Variants in IL2RA observed in about 807,000 individuals in gnomAD.
IL2RA encodes interleukin 2 receptor subunit alpha, also known as interleukin-2 receptor subunit alpha.
Under a neutral mutation model 37.8 loss-of-function variants are expected in IL2RA, and 24 were observed. The ratio of observed to expected loss-of-function variants is 0.63; its 90% CI spans 0.46 to 0.89. The LOEUF (loss-of-function observed/expected upper bound fraction) is 0.89, where lower values mean the gene tolerates loss of function less well. Among genes scored for constraint, IL2RA ranks in the 40% least tolerant of loss-of-function variants. The pLI is 0.00. For missense variants in IL2RA, 319 were observed against 348.6 expected (o/e 0.92, Z 0.68); for synonymous variants, 125 against 114.6 (o/e 1.09, Z -0.58).
Position 6,054,072 on chromosome 10 carries a change from C to G in IL2RA, c.64+8016G>C. Among the ~76,000 whole-genome samples the G allele has an allele frequency of 6.6e-6, 1 of 152,244 alleles. No homozygotes were observed. Among genetic ancestry groups the G allele is most frequent in the East Asian group, 1.9e-4 (1 of 5,198 alleles). ...CTCTTCCTCCCAGCACAGTGACCTTCCGGTCAACCCCACCCATGCCACCCA... is the reference window on the plus strand; with the variant it reads ...CTCTTCCTCCCAGCACAGTGACCTTGCGGTCAACCCCACCCATGCCACCCA... On this transcript the variant is annotated intron_variant, in intron 1 of 7. Coordinates refer to ENST00000379959, the MANE Select transcript of IL2RA (RefSeq NM_000417.3). This position sits in a 1 kb window ranked among gnomAD's most constrained non-coding sequence, Gnocchi z 4.5.
chr10:6,045,514 G>C (rs1238710019), intron 1 of IL2RA, among the ~76,000 whole-genome samples: 1 of 152,098 alleles, frequency 6.6e-6, no homozygotes. Context: ...GTCGACAACA[G>C]GCTTCCGGGC....
intron 1 of IL2RA, among the ~76,000 whole-genome samples, chr10:6,052,730 G>T (rs1270001782): frequency 1.3e-5 from 2 of 152,186 alleles, no homozygotes; most frequent in Admixed American, 6.5e-5. Context: ...TCTGAAGGAG[G>T]TATCTATTTT....
At chr10:6,049,058 T>C (rs1290832327) in intron 1 of IL2RA, among the ~76,000 whole-genome samples, 1 of 152,226 alleles carries the variant, frequency 6.6e-6, no homozygotes, top group Non-Finnish European at 1.5e-5. Context: ...AGAATATTTA[T>C]AATGGGAGTT....
At chr10:6,041,013 G>T (rs781546888) in intron 1 of IL2RA, among the ~76,000 whole-genome samples, 1 of 151,966 alleles carries the variant, frequency 6.6e-6, no homozygotes, top group Non-Finnish European at 1.5e-5. Context: ...TGCCAGAAAT[G>T]TGCTAAGTTC....
chr10:6,011,175 T>A lies in IL2RA; in HGVS notation c.*1697A>T, dbSNP rs1208319152. The A allele has an allele frequency of 6.6e-6, 1 of 152,364 alleles. No individual in the cohort carries two copies. Among genetic ancestry groups the A allele is most frequent in the Admixed American group, 6.5e-5 (1 of 15,280 alleles). The allele number at this position is 152,364 out of a possible 1,614,324, so 9.4% of individuals were successfully genotyped here. A position where few individuals can be genotyped will look rare whatever the true frequency, so the allele number is the denominator to read the frequency against. ...TTCCCAAATGAATAATTTTCGTTAA[T>A]GTTAATCGTGTGATGTTGTTGAGCT... On this transcript the variant is annotated 3_prime_UTR_variant, in exon 8 of 8. Coordinates refer to ENST00000379959, the MANE Select transcript of IL2RA (RefSeq NM_000417.3). This position sits in a 1 kb window ranked among gnomAD's most constrained non-coding sequence, Gnocchi z 5.2.
Position 6,040,478 on chromosome 10 carries a change from A to G in IL2RA, c.65-14453T>C, listed in dbSNP as rs564171782. Among the ~76,000 whole-genome samples, 4 of 152,304 alleles carry G rather than the reference A, an allele frequency of 2.6e-5. No homozygotes were observed. The East Asian group carries it at 7.7e-4, about 29-fold the overall frequency. On this transcript the variant is annotated intron_variant, in intron 1 of 7. Transcript: ENST00000379959. ...ATTTGAATATTTCCAGTCATTTTTG[A>G]TGGTTGTTGCCTGCCCACATTACCT... is the stretch of plus-strand genomic sequence containing the variant.
Position 6,015,655 on chromosome 10 carries a change from A to G in IL2RA, c.794+2398T>C, listed in dbSNP as rs1325329841. 6.6e-6 allele frequency among the ~76,000 whole-genome samples: 1 copy of G among 152,234 alleles called. No individual in the cohort carries two copies. The highest frequency in any genetic ancestry group is 1.5e-5 in the Non-Finnish European group (1 of 68,040). On this transcript the variant is annotated intron_variant, in intron 7 of 7. Transcript: ENST00000379959. This position sits in a 1 kb window ranked among gnomAD's most constrained non-coding sequence, Gnocchi z 4.9. ...ATGTAGGGATGCTTTGATACCTACAAGGTACAGTGATCAGATCATGGTATT... is the reference window on the plus strand; with the variant it reads ...ATGTAGGGATGCTTTGATACCTACAGGGTACAGTGATCAGATCATGGTATT...
At position 6,012,444 on chromosome 10, in the gene IL2RA, G is replaced by A; in HGVS notation, c.*428C>T. On this transcript the variant is annotated 3_prime_UTR_variant, in exon 8 of 8. Coordinates refer to ENST00000379959, the MANE Select transcript of IL2RA (RefSeq NM_000417.3). The surrounding 1 kb of genome is among the most constrained non-coding windows in gnomAD (Gnocchi z 4.8). Reference sequence around the variant, plus strand: ...GTATAGGGTAGAGTGTGTGTGTTGTGTATTTACGTTAGTGCTGGGGCTTTC... The same window carrying A: ...GTATAGGGTAGAGTGTGTGTGTTGTATATTTACGTTAGTGCTGGGGCTTTC... 3.8e-6 allele frequency: 1 copy of A among 260,774 alleles called. No individual in the cohort carries two copies. Among genetic ancestry groups the A allele is most frequent in the Non-Finnish European group, 7.6e-6 (1 of 132,334 alleles). 16.2% of individuals were successfully genotyped at this position (260,774 alleles called of 1,614,324 possible). A position where few individuals can be genotyped will look rare whatever the true frequency, so the allele number is the denominator to read the frequency against.
rs929392617 is a variant in IL2RA, at chr10:6,018,988, C to G, written c.727+440G>C. ...ACTACCAACAAAACTACCAACCAAC[C>G]TGCCAATCTACCACCCTAACAACCA... On this transcript the variant is annotated intron_variant, in intron 6 of 7. Transcript: ENST00000379959. This position sits in a 1 kb window ranked among gnomAD's most constrained non-coding sequence, Gnocchi z 5.1. Among the ~76,000 whole-genome samples the G allele has an allele frequency of 2.6e-5, 4 of 152,070 alleles. No individual in the cohort carries two copies. Among genetic ancestry groups the G allele is most frequent in the Non-Finnish European group, 4.4e-5 (3 of 68,000 alleles).
At position 6,025,493 on chromosome 10, in the gene IL2RA, T is replaced by C. The variant is rs1421173205; in HGVS notation, c.256+341A>G. Among the ~76,000 whole-genome samples the C allele has an allele frequency of 2.0e-5, 3 of 151,158 alleles. No individual in the cohort carries two copies. The highest frequency in any genetic ancestry group is 4.4e-5 in the Non-Finnish European group (3 of 67,744). On this transcript the variant is annotated intron_variant, in intron 2 of 7. Transcript: ENST00000379959. This position sits in a 1 kb window ranked among gnomAD's most constrained non-coding sequence, Gnocchi z 4.4. ...CAACATGGTGAAACCCCATCTCTAC[T>C]AAAAATGCAAAAATTAGCCAGGCAT...
chr10:6,031,484 A>ATATATATATATATATG (rs1839585293), intron 1 of IL2RA, among the ~76,000 whole-genome samples: 1 of 37,000 alleles, frequency 2.7e-5, no homozygotes, highest in African/African-American at 1.2e-4. Flanking sequence ...ATATATATAT[A>ATATATATATATATATG]TATATATATG....
In IL2RA at chr10:6,014,121, A is replaced by T. The variant is rs1475263329; in HGVS notation, c.795-1225T>A. On this transcript the variant is annotated intron_variant, in intron 7 of 7. Coordinates refer to ENST00000379959, the MANE Select transcript of IL2RA (RefSeq NM_000417.3). This position sits in a 1 kb window ranked among gnomAD's most constrained non-coding sequence, Gnocchi z 4.4. ...GGCAGGAGCTACTGCTCCCAGCCTA[A>T]ATACTTTAATTTTCCATAATGGCTA... Among the ~76,000 whole-genome samples the T allele has an allele frequency of 6.6e-6, 1 of 152,154 alleles. No homozygotes were observed. Among genetic ancestry groups the T allele is most frequent in the Non-Finnish European group, 1.5e-5 (1 of 68,022 alleles).
chr10:6,055,238 T>C (rs1195207709), intron 1 of IL2RA, among the ~76,000 whole-genome samples: 1 of 152,222 alleles, frequency 6.6e-6, no homozygotes, highest in African/African-American at 2.4e-5. Flanking sequence ...TGCTTGAGCA[T>C]ACCTGTTCCT....
intron 1 of IL2RA, among the ~76,000 whole-genome samples, chr10:6,031,782 G>T (rs1839598873): frequency 6.6e-6 from 1 of 151,648 alleles, no homozygotes; most frequent in African/African-American, 2.4e-5. Flanking sequence ...ACCTTAAATT[G>T]ATCAATTAAT....
chr10:6,051,511 ATATATATT>A (rs1483358782), intron 1 of IL2RA, among the ~76,000 whole-genome samples: 6 of 19,524 alleles, frequency 3.1e-4, no homozygotes, highest in Admixed American at 1.1e-3. Flanking sequence ...ATATATATAT[ATATATATT>A]TTTTTTCTTT....
In IL2RA at chr10:6,019,460, G is replaced by A. The variant is rs763651926; in HGVS notation, c.695C>T (p.Thr232Met). 8.7e-6 allele frequency: 14 copies of A among 1,613,476 alleles called. No individual in the cohort carries two copies. The highest frequency in any genetic ancestry group is 2.2e-5 in the East Asian group (1 of 44,898). ...CTGGTACTCTGTTGTAAATATGGAC[G>A]TCTCCATGGTTGCAGCCATTTCTGT... The part of the protein sequence containing the change: ...IQTEMAATME[T>M]SIFTTEYQVA... The change falls in exon 6 of 8, where the codon ACG becomes ATG. Residue 232 changes from threonine (T) to methionine (M), a missense_variant. Coordinates refer to ENST00000379959, the MANE Select transcript of IL2RA (RefSeq NM_000417.3).
At chr10:6,013,418 G>A (rs758122294) in intron 7 of IL2RA, among the ~76,000 whole-genome samples, 5 of 152,170 alleles carry the variant, frequency 3.3e-5, no homozygotes, top group Admixed American at 6.5e-5. Context: ...AGTGGCTACT[G>A]TATTGGACAA....
At position 6,022,186 on chromosome 10, in the gene IL2RA, C is replaced by T. The variant is rs7920674; in HGVS notation, c.368-493G>A. On this transcript the variant is annotated intron_variant, in intron 3 of 7. Coordinates refer to ENST00000379959, the MANE Select transcript of IL2RA (RefSeq NM_000417.3). This position sits in a 1 kb window ranked among gnomAD's most constrained non-coding sequence, Gnocchi z 4.7. The stretch of plus-strand genomic sequence containing the variant: ...TGAGGAAGTGCATTCTTGGGGGCAG[C>T]GGCTGGGCATCTTGGGATGATGTCG... 0.2 allele frequency among the ~76,000 whole-genome samples: 29,877 copies of T among 151,884 alleles called. 3,405 individuals are homozygous for T. The highest frequency in any genetic ancestry group is 0.25 in the East Asian group (1,287 of 5,162).
In IL2RA at chr10:6,014,873, T is replaced by C. The variant is rs547143890; in HGVS notation, c.795-1977A>G. The stretch of plus-strand genomic sequence containing the variant: ...AGTATGTTATGGACCTGATGACCCA[T>C]ATAAGAAGGGAAGAGATATTTTATT... On this transcript the variant is annotated intron_variant, in intron 7 of 7. Transcript: ENST00000379959. The surrounding 1 kb of genome is among the most constrained non-coding windows in gnomAD (Gnocchi z 4.4). Among the ~76,000 whole-genome samples the C allele has an allele frequency of 4.6e-5, 7 of 152,180 alleles. No homozygotes were observed. The highest frequency in any genetic ancestry group is 1.7e-4 in the African/African-American group (7 of 41,512).
Sources: gnomAD v4.1 joint callset for allele counts (sites outside exome capture counted in the v4.1 genomes callset) on GRCh38, gnomAD v4.1.1 for gene constraint, Gnocchi (gnomAD v3.1) non-coding constraint, MANE v1.5 for transcripts, NCBI Gene and HGNC (gene_info 2026-07-23, HGNC 2026-07-21) for gene names.